Variants in ADGRB1 observed in about 807,000 individuals in gnomAD.
ADGRB1 encodes the protein adhesion G protein-coupled receptor B1.
ADGRB1 carries 36 observed loss-of-function variants against 175.7 expected under a neutral mutation model. That is an observed-to-expected ratio of 0.20 (90% CI 0.16 to 0.27). The LOEUF is 0.27. Ranked by LOEUF, ADGRB1 falls within the 10% of genes least tolerant of loss-of-function variation. The pLI is 1.00. For synonymous variants in ADGRB1, 1,054 were observed against 979.4 expected (o/e 1.08, Z -1.42); for missense variants, 1,731 against 2,255.3 (o/e 0.77, Z 4.71).
At chr8:142,527,244 G>T (rs942036256) in intron 24 of ADGRB1, among the ~76,000 whole-genome samples, 2 of 152,170 alleles carry the variant, frequency 1.3e-5, no homozygotes, top group Non-Finnish European at 2.9e-5. Flanking sequence ...GCTGCGGGGC[G>T]TGGGGAGCTG....
At chr8:142,487,340 T>C (rs1330048542) in intron 13 of ADGRB1, among the ~76,000 whole-genome samples, 1 of 152,116 alleles carries the variant, frequency 6.6e-6, no homozygotes, top group Non-Finnish European at 1.5e-5. Flanking sequence ...ACCTGCCCTT[T>C]GACATTTCTT....
chr8:142,469,779 CTGTG>C lies in ADGRB1; in HGVS notation c.784+4802_784+4805del, dbSNP rs533552308. Among the ~76,000 whole-genome samples, 7 of 148,562 alleles carry C rather than the reference CTGTG, an allele frequency of 4.7e-5. No individual in the cohort carries two copies. The South Asian group carries it at 1.1e-3, about 23-fold the overall frequency. On this transcript the variant is annotated intron_variant, in intron 2 of 30. Transcript: ENST00000517894. ...TGTGTGAATGTATGTGTGTATGTCT[CTGTG>C]TGTGCACGTGCGTGTGCGTGGGGGG...
rs79488548 is a variant in ADGRB1 at position 142,515,166 on chromosome 8, G to A, written c.2818-2972G>A. On this transcript the variant is annotated intron_variant, in intron 18 of 30. Coordinates refer to ENST00000517894, the MANE Select transcript of ADGRB1 (RefSeq NM_001702.3). Reference sequence around the variant, plus strand: ...ATTGGTGACTTCTGTGCTGGGAGGAGAGCCCGGCGCCTGAAGGTCAGGGAA... The same window carrying A: ...ATTGGTGACTTCTGTGCTGGGAGGAAAGCCCGGCGCCTGAAGGTCAGGGAA... 9.8e-3 allele frequency among the ~76,000 whole-genome samples: 1,489 copies of A among 152,272 alleles called. 13 individuals carry two copies. The highest frequency in any genetic ancestry group is 0.049 in the East Asian group (251 of 5,172).
intron 4 of ADGRB1, 32 bp from the exon 5 acceptor site, chr8:142,477,082 G>A (rs1312575010): frequency 1.3e-5 from 19 of 1,505,054 alleles, no homozygotes; most frequent in Non-Finnish European, 1.6e-5. Flanking sequence ...CCCATGGGCG[G>A]CAGGCCTGTG....
In ADGRB1 at chr8:142,489,122, T is replaced by C. The variant is rs1563705415; in HGVS notation, c.2528+12T>C. On this transcript the variant is annotated intron_variant, in intron 15 of 30. Coordinates refer to ENST00000517894, the MANE Select transcript of ADGRB1 (RefSeq NM_001702.3). ...CTGGCCCTGCAGAGGTGGGGAGCCC[T>C]GGGCAGGTGGGGTGGGCAGTGCAGG... 6.3e-7 allele frequency: 1 copy of C among 1,593,030 alleles called. No homozygotes were observed. Among genetic ancestry groups the C allele is most frequent in the African/African-American group, 1.3e-5 (1 of 74,112 alleles).
intron 17 of ADGRB1, among the ~76,000 whole-genome samples, chr8:142,506,341 C>T (rs2132011508): frequency 6.6e-6 from 1 of 152,288 alleles, no homozygotes; most frequent in South Asian, 2.1e-4. Flanking sequence ...CTCTAGGTCC[C>T]CACTCCTCTT....
In ADGRB1 at chr8:142,493,827, C is replaced by A. The variant is rs1225534366; in HGVS notation, c.2675+3012C>A. Reference sequence around the variant, plus strand: ...CCTCGGTCCCCTTCCTTCTGCCCCTCACCTCCCCTCCACTCTGAGTTGGAT... The same window carrying A: ...CCTCGGTCCCCTTCCTTCTGCCCCTAACCTCCCCTCCACTCTGAGTTGGAT... On this transcript the variant is annotated intron_variant, in intron 17 of 30. Transcript: ENST00000517894. The surrounding 1 kb of genome is among the most constrained non-coding windows in gnomAD (Gnocchi z 5.0). Among the ~76,000 whole-genome samples the A allele has an allele frequency of 2.0e-5, 3 of 152,216 alleles. No homozygotes were observed. Among genetic ancestry groups the A allele is most frequent in the African/African-American group, 7.2e-5 (3 of 41,462 alleles).
chr8:142,461,557 C>G (rs893191884), intron 1 of ADGRB1, among the ~76,000 whole-genome samples: 1 of 152,218 alleles, frequency 6.6e-6, no homozygotes, highest in Non-Finnish European at 1.5e-5. Flanking sequence ...CGGCCGCAGG[C>G]CCACAGAGGC....
intron 1 of ADGRB1, among the ~76,000 whole-genome samples, chr8:142,461,709 G>T (rs992944483): frequency 6.6e-6 from 1 of 152,202 alleles, no homozygotes; most frequent in Admixed American, 6.5e-5. Flanking sequence ...ATCTTGAGCT[G>T]TGCGGGTCCC....
intron 17 of ADGRB1, among the ~76,000 whole-genome samples, chr8:142,502,426 G>GTGGTGGTGATGGTGGTGGTGA (rs1842648171): frequency 1.6e-3 from 2 of 1,260 alleles, no homozygotes; most frequent in Non-Finnish European, 1.7e-3. Context: ...GGTGATGGTG[G>GTGGTGGTGATGGTGGTGGTGA]TGGTGGTGGT....
intron 2 of ADGRB1, among the ~76,000 whole-genome samples, chr8:142,469,157 A>ATG (rs113952171): frequency 0.023 from 139 of 6,060 alleles, 1 homozygote; most frequent in Non-Finnish European, 0.053. Context: ...GCATGCGTGC[A>ATG]TGTGTGTGTG....
intron 2 of ADGRB1, among the ~76,000 whole-genome samples, chr8:142,465,277 C>T: frequency 6.6e-6 from 1 of 152,196 alleles, no homozygotes; most frequent in East Asian, 1.9e-4. Flanking sequence ...GGGCACACGG[C>T]GGGTGCTGGT....
intron 18 of ADGRB1, among the ~76,000 whole-genome samples, chr8:142,514,261 G>A (rs964465082): frequency 3.9e-5 from 6 of 152,152 alleles, no homozygotes; most frequent in African/African-American, 1.4e-4. Context: ...CGGGAGCCAG[G>A]GTGGGATGAG....
chr8:142,453,146 C>A (rs1343659166), intron 1 of ADGRB1, among the ~76,000 whole-genome samples: 2 of 151,660 alleles, frequency 1.3e-5, no homozygotes, highest in African/African-American at 2.4e-5. Context: ...TCCCCGTGTG[C>A]GGTGCGCTGG....
chr8:142,481,784 A>G, intron 11 of ADGRB1, 73 bp downstream of exon 11: 1 of 1,334,638 alleles, frequency 7.5e-7, no homozygotes, highest in Non-Finnish European at 1.0e-6. Context: ...GACCTTAGAG[A>G]TGGATCCCCA....
At position 142,464,996 on chromosome 8, in the gene ADGRB1, G is replaced by A. The variant is rs570934156; in HGVS notation, c.784+14G>A. 17 of 1,468,152 alleles carry A rather than the reference G, an allele frequency of 1.2e-5. No individual in the cohort carries two copies. Among genetic ancestry groups the A allele is most frequent in the Middle Eastern group, 1.9e-4 (1 of 5,158 alleles). 90.9% of individuals were successfully genotyped at this position (1,468,152 alleles called of 1,614,324 possible). A position where few individuals can be genotyped will look rare whatever the true frequency, so the allele number is the denominator to read the frequency against. ...ACGGCGCCACAGGTGAGTGACTGGCGGGGAAACCTTCGGACAGGGGAGGTG... is the reference window on the plus strand; with the variant it reads ...ACGGCGCCACAGGTGAGTGACTGGCAGGGAAACCTTCGGACAGGGGAGGTG... On this transcript the variant is annotated intron_variant, in intron 2 of 30. Transcript: ENST00000517894.
At chr8:142,534,325 C>T (rs962363576) in intron 25 of ADGRB1, among the ~76,000 whole-genome samples, 6 of 152,210 alleles carry the variant, frequency 3.9e-5, no homozygotes, top group African/African-American at 1.4e-4. Context: ...CCATCCCAGC[C>T]TGGAAGGGCA....
At chr8:142,530,107 G>A (rs539343664) in intron 24 of ADGRB1, among the ~76,000 whole-genome samples, 21 of 152,034 alleles carry the variant, frequency 1.4e-4, no homozygotes, top group South Asian at 2.1e-4. Flanking sequence ...GATATTTTGC[G>A]TTAGTGTGTG....
chr8:142,457,982 G>A (rs1319763368), intron 1 of ADGRB1, among the ~76,000 whole-genome samples: 1 of 152,198 alleles, frequency 6.6e-6, no homozygotes, highest in African/African-American at 2.4e-5. Flanking sequence ...GGCAGTCAGT[G>A]CCGAGGGCGC....
Sources: allele counts gnomAD v4.1 joint callset (sites outside exome capture counted in the v4.1 genomes callset), GRCh38; gene constraint gnomAD v4.1.1; non-coding constraint Gnocchi (gnomAD v3.1); transcripts MANE v1.5; gene names NCBI Gene and HGNC (gene_info 2026-07-23, HGNC 2026-07-21).